Variants in ADGRE1 observed in about 807,000 individuals in gnomAD.
The protein encoded by ADGRE1 is EGF-like module receptor 1.
A neutral mutation model predicts 102.7 loss-of-function variants in ADGRE1; 82 were observed. The ratio of observed to expected loss-of-function variants is 0.80; its 90% CI spans 0.67 to 0.96. The LOEUF is 0.96. ADGRE1 is among the 40% of genes least tolerant of loss of function. The pLI is 0.00. For missense variants in ADGRE1, 1,032 were observed against 1,085.3 expected (o/e 0.95, Z 0.69); for synonymous variants, 398 against 399.6 (o/e 1.00, Z 0.05).
At chr19:6,899,337 C>T (rs1272319167) in intron 5 of ADGRE1, among the ~76,000 whole-genome samples, 1 of 152,150 alleles carries the variant, frequency 6.6e-6, no homozygotes, top group African/African-American at 2.4e-5. Context: ...AAGGCCCCCA[C>T]AACCAAGAAT....
chr19:6,915,531 T>C (rs1974341395), intron 11 of ADGRE1, among the ~76,000 whole-genome samples: 1 of 152,152 alleles, frequency 6.6e-6, no homozygotes, highest in Admixed American at 6.5e-5. Flanking sequence ...GTGGCAGAGC[T>C]GGACCTCCCA....
intron 14 of ADGRE1, among the ~76,000 whole-genome samples, chr19:6,922,222 C>T (rs995797965): frequency 5.9e-5 from 9 of 152,140 alleles, no homozygotes; most frequent in Admixed American, 1.3e-4. Context: ...AGTGGCCCGT[C>T]TAGTCCTGAA....
At chr19:6,937,462 C>G (rs746048135) in intron 19 of ADGRE1, 51 bp downstream of exon 19, 28 of 1,591,312 alleles carry the variant, frequency 1.8e-5, no homozygotes, top group South Asian at 1.1e-4. Flanking sequence ...CCCTCTCCCC[C>G]CTTCCCCACC....
At chr19:6,937,824 C>T (rs1225469568) in intron 20 of ADGRE1, among the ~76,000 whole-genome samples, 176 bp downstream of exon 20, 1 of 151,962 alleles carries the variant, frequency 6.6e-6, no homozygotes, top group African/African-American at 2.4e-5. Flanking sequence ...TATTAGCAGA[C>T]ACACACACAT....
At chr19:6,890,589 G>T (rs1009917280) in intron 2 of ADGRE1, 46 bp downstream of exon 2, 5 of 1,587,040 alleles carry the variant, frequency 3.2e-6, no homozygotes, top group East Asian at 4.5e-5. Flanking sequence ...GGTAGAGAAA[G>T]TTTTCTCCCC....
At chr19:6,926,297 C>T (rs898430325) in intron 15 of ADGRE1, 69 bp from the exon 16 acceptor site, 10 of 1,546,770 alleles carry the variant, frequency 6.5e-6, no homozygotes, top group Non-Finnish European at 7.9e-6. Flanking sequence ...AGGAGTCTCT[C>T]TCTTCCTTTC....
chr19:6,913,715 G>A lies in ADGRE1; in HGVS notation c.1185G>A (p.Lys395=). The A allele has an allele frequency of 6.2e-7, 1 of 1,613,162 alleles. No individual in the cohort carries two copies. The change falls in exon 11 of 21, where the codon AAG becomes AAA. Residue 395 remains lysine (K), a synonymous_variant. Transcript: ENST00000312053. ...TATCCACGTGGACTAAATTCACCAA[G>A]GAAGAGACGTCCTCCCTGGCCACAG... is the stretch of plus-strand genomic sequence containing the variant. ...KQISTWTKFT[K]EETSSLATVF...
At chr19:6,919,822 C>G in intron 13 of ADGRE1, 75 bp downstream of exon 13, 1 of 1,448,242 alleles carries the variant, frequency 6.9e-7, no homozygotes, top group Non-Finnish European at 9.6e-7. Context: ...CCTTAACTCT[C>G]ATTTTTTACG....
At chr19:6,922,655 C>A (rs1281827571) in intron 14 of ADGRE1, among the ~76,000 whole-genome samples, 1 of 147,064 alleles carries the variant, frequency 6.8e-6, no homozygotes, top group African/African-American at 2.6e-5. Flanking sequence ...CACACACACA[C>A]ACAAACAAAA....
chr19:6,916,512 A>G, intron 12 of ADGRE1, 144 bp downstream of exon 12: 5 of 1,100,886 alleles, frequency 4.5e-6, no homozygotes, highest in Non-Finnish European at 6.3e-6. Context: ...AGAGTTTTCC[A>G]TGTGCTAGGG....
rs766271781 is a variant in ADGRE1, at chr19:6,904,076, T to A, written c.843T>A (p.Pro281=). The part of the protein sequence containing the change: ...ECRQDPSTCG[P]NSICTNALGS... ...GCCAAGATCCATCAACCTGTGGTCC[T>A]AATTCTATCTGCACCAATGCCCTGG... Residue 281 remains proline (P), a synonymous_variant, in exon 8 of 21, where the codon CCT becomes CCA. Coordinates refer to ENST00000312053, the MANE Select transcript of ADGRE1 (RefSeq NM_001974.5). 2 of 1,614,252 alleles carry A rather than the reference T, an allele frequency of 1.2e-6. No homozygotes were observed. The highest frequency in any genetic ancestry group is 1.7e-6 in the Non-Finnish European group (2 of 1,180,042).
chr19:6,891,215 G>C (rs1247639163), intron 2 of ADGRE1: 1 of 152,134 alleles, frequency 6.6e-6, no homozygotes, highest in East Asian at 1.9e-4. Flanking sequence ...AAGCTCTCTT[G>C]CCTCCTGCCA....
intron 15 of ADGRE1, 42 bp from the exon 16 acceptor site, chr19:6,926,324 T>C (rs1215256112): frequency 6.2e-7 from 1 of 1,604,994 alleles, no homozygotes; most frequent in Middle Eastern, 2.1e-4. Flanking sequence ...TCGATTTCTC[T>C]CTGGGGTGGA....
chr19:6,897,230 G>C lies in ADGRE1; in HGVS notation c.320G>C (p.Ser107Thr). Residue 107 changes from serine to threonine, a missense_variant, in exon 4 of 21, where the codon AGC becomes ACC. Transcript: ENST00000312053. ...CKNLSGRYKCSCLDGFSSPTG... is the reference protein window; with the variant it reads ...CKNLSGRYKCTCLDGFSSPTG... Reference sequence around the variant, plus strand: ...AACCTGTCAGGGAGGTACAAGTGCAGCTGTTTAGATGGTTTCTCTTCTCCC... The same window carrying C: ...AACCTGTCAGGGAGGTACAAGTGCACCTGTTTAGATGGTTTCTCTTCTCCC... 4 of 1,613,864 alleles carry C rather than the reference G, an allele frequency of 2.5e-6. No individual in the cohort carries two copies. The highest frequency in any genetic ancestry group is 2.5e-6 in the Non-Finnish European group (3 of 1,179,998).
chr19:6,896,423 G>C lies in ADGRE1; in HGVS notation c.120G>C (p.Leu40Phe). ...TKGNNCRDST[L>F]CPAYATCTNT... ...GTAATAACTGTAGAGACAGTACCTT[G>C]TGCCCAGCTTATGCCACCTGCACCA... Residue 40 changes from leucine to phenylalanine, a missense_variant, in exon 3 of 21, where the codon TTG (leucine) becomes TTC (phenylalanine). Physicochemically the swap from Leu to Phe is conservative, Grantham distance 22 (BLOSUM62 0). Transcript: ENST00000312053. The C allele has an allele frequency of 3.1e-6, 5 of 1,614,064 alleles. No individual in the cohort carries two copies. Among genetic ancestry groups the C allele is most frequent in the Non-Finnish European group, 4.2e-6 (5 of 1,179,984 alleles).
chr19:6,914,446 T>C (rs1427542080), intron 11 of ADGRE1, among the ~76,000 whole-genome samples: 1 of 152,238 alleles, frequency 6.6e-6, no homozygotes, highest in African/African-American at 2.4e-5. Flanking sequence ...GCTGCAAGAC[T>C]GATCCTTTCC....
At chr19:6,928,099 T>G in intron 16 of ADGRE1, 46 bp from the exon 17 acceptor site, 1 of 1,593,584 alleles carries the variant, frequency 6.3e-7, no homozygotes, top group Non-Finnish European at 8.5e-7. Flanking sequence ...AACTGTAAGG[T>G]CAGGACTCTG....
chr19:6,916,341 T>C lies in ADGRE1; in HGVS notation c.1393T>C (p.Ser465Pro). The change falls in exon 12 of 21, where the codon TCC (serine) becomes CCC (proline). Residue 465 changes from serine to proline, a missense_variant. Physicochemically the swap from Ser to Pro is moderately conservative, Grantham distance 74. Transcript: ENST00000312053. ...GGGGGATAAGATGAAGATCGGGTGTTCCACAATTGAGGAATCTGAATCCAC... is the reference window on the plus strand; with the variant it reads ...GGGGGATAAGATGAAGATCGGGTGTCCCACAATTGAGGAATCTGAATCCAC... ...AKGDKMKIGCSTIEESESTET... is the reference protein window; with the variant it reads ...AKGDKMKIGCPTIEESESTET... 1 of 1,613,734 alleles carries C rather than the reference T, an allele frequency of 6.2e-7. No homozygotes were observed.
At chr19:6,939,088 G>C (rs570536032) in intron 20 of ADGRE1, among the ~76,000 whole-genome samples, 2 of 152,012 alleles carry the variant, frequency 1.3e-5, no homozygotes, top group Non-Finnish European at 2.9e-5. Flanking sequence ...GAGCCACCAC[G>C]CCCAGCTGGT....
Sources: gnomAD v4.1 joint callset for allele counts (sites outside exome capture counted in the v4.1 genomes callset) on GRCh38, gnomAD v4.1.1 for gene constraint, MANE v1.5 for transcripts, NCBI Gene and HGNC (gene_info 2026-07-23, HGNC 2026-07-21) for gene names.